Variants in PCDHGB1 observed in about 807,000 individuals in gnomAD.
PCDHGB1 encodes protocadherin gamma-B1.
Under a neutral mutation model 56.6 loss-of-function variants are expected in PCDHGB1, and 34 were observed. That is an observed-to-expected ratio of 0.60 (90% CI 0.46 to 0.80). PCDHGB1 has a LOEUF of 0.80. Ranked by LOEUF, PCDHGB1 falls within the 30% of genes least tolerant of loss-of-function variation. The pLI, the probability that PCDHGB1 is intolerant of heterozygous loss-of-function variation, is 0.00. For missense variants in PCDHGB1, 1,278 were observed against 1,204.6 expected, an observed-to-expected ratio of 1.06 and a Z score of -0.90; for synonymous variants, 561 against 505.9, an observed-to-expected ratio of 1.11 and a Z score of -1.46.
At position 141,364,425 on chromosome 5, in the gene PCDHGB1, G is replaced by T; in HGVS notation, c.2409+11756G>T. 6.2e-7 allele frequency: 1 copy of T among 1,613,642 alleles called. No homozygotes were observed. Among genetic ancestry groups the T allele is most frequent in the Non-Finnish European group, 8.5e-7 (1 of 1,179,688 alleles). Reference sequence around the variant, plus strand: ...TGCGAGCCAGGATCCGGGCAGATCCGCTACTCGATGCCGGAGGAGCTGGAC... The same window carrying T: ...TGCGAGCCAGGATCCGGGCAGATCCTCTACTCGATGCCGGAGGAGCTGGAC... On this transcript the variant is annotated intron_variant, in intron 1 of 3. Coordinates refer to ENST00000523390, the MANE Select transcript of PCDHGB1 (RefSeq NM_018922.3).
At chr5:141,478,177 A>G (rs769503109) in intron 1 of PCDHGB1, 1 of 1,613,988 alleles carries the variant, frequency 6.2e-7, no homozygotes, top group South Asian at 1.1e-5. Context: ...GGGAGCAGAA[A>G]AAAAATCTCA....
intron 1 of PCDHGB1, chr5:141,412,213 C>T (rs1467971455): frequency 6.6e-6 from 1 of 152,224 alleles, no homozygotes; most frequent in Non-Finnish European, 1.5e-5. Context: ...TTGACATAAA[C>T]ACTTACTTGT....
intron 1 of PCDHGB1, among the ~76,000 whole-genome samples, chr5:141,425,427 A>G (rs925551543): frequency 2.2e-4 from 33 of 152,362 alleles, no homozygotes; most frequent in Non-Finnish European, 4.1e-4. Flanking sequence ...GTCCCATTAA[A>G]TAGAGGATAA....
At position 141,489,886 on chromosome 5, in the gene PCDHGB1, G is replaced by A; in HGVS notation, c.2410-4921G>A. ...ACATCAGCTGGTGCTTACTGCTGTG[G>A]ATGGGGGGACCCCAGCCCGCTCAGG... is the stretch of plus-strand genomic sequence containing the variant. On this transcript the variant is annotated intron_variant, in intron 1 of 3. Transcript: ENST00000523390. This position sits in a 1 kb window ranked among gnomAD's most constrained non-coding sequence, Gnocchi z 4.5. 6.2e-7 allele frequency: 1 copy of A among 1,614,256 alleles called. No individual in the cohort carries two copies. The highest frequency in any genetic ancestry group is 8.5e-7 in the Non-Finnish European group (1 of 1,180,044).
At chr5:141,362,368 G>A (rs751597172) in intron 1 of PCDHGB1, 1 of 1,613,950 alleles carries the variant, frequency 6.2e-7, no homozygotes, top group Non-Finnish European at 8.5e-7. Context: ...CAATTACAGT[G>A]AGGGTACATT....
rs116335001 is a variant in PCDHGB1, at chr5:141,360,878, G to C, written c.2409+8209G>C. 2.7e-5 allele frequency: 43 copies of C among 1,614,024 alleles called. No homozygotes were observed. The African/African-American group carries it at 5.3e-4, about 20-fold the overall frequency. On this transcript the variant is annotated intron_variant, in intron 1 of 3. Transcript: ENST00000523390. ...CCAGTGTTCAGCCAGGACGTGTACA[G>C]GGTCACCCTGAGGGAGGACGTGCCG...
intron 1 of PCDHGB1, chr5:141,402,966 C>T (rs749578447): frequency 6.2e-7 from 1 of 1,606,060 alleles, no homozygotes; most frequent in Non-Finnish European, 8.5e-7. Flanking sequence ...GCAGCTCCAA[C>T]CAAATGCCAG....
Position 141,352,334 on chromosome 5 carries a change from T to A in PCDHGB1, c.2074T>A (p.Leu692Met). The A allele has an allele frequency of 6.2e-7, 1 of 1,614,084 alleles. No individual in the cohort carries two copies. The highest frequency in any genetic ancestry group is 8.5e-7 in the Non-Finnish European group (1 of 1,179,914). The change falls in exon 1 of 4, where the codon TTG (leucine) becomes ATG (methionine). Residue 692 changes from leucine to methionine, a missense_variant. By Grantham distance (15) the Leu-to-Met change is conservative. Transcript: ENST00000523390. ...ACTGCAGTTTTACCTGGTTGTGGCC[T>A]TGGCCTTGATCTCAGTGCTCTTTCT... ...TELQFYLVVA[L>M]ALISVLFLLA... is the part of the protein sequence containing the mutation.
intron 1 of PCDHGB1, chr5:141,395,187 T>C: frequency 6.2e-7 from 1 of 1,614,162 alleles, no homozygotes; most frequent in Non-Finnish European, 8.5e-7. Flanking sequence ...TGATTCTTTG[T>C]TAACATCCGT....
Position 141,375,504 on chromosome 5 carries a change from T to A in PCDHGB1, c.2409+22835T>A. The A allele has an allele frequency of 2.5e-6, 4 of 1,614,004 alleles. No homozygotes were observed. The South Asian group carries it at 4.4e-5, about 18-fold the overall frequency. ...CCCAGGGGTGCCTCCATCTTCTCTG[T>A]GAATGCACTGGACCCTGACGTGGAC... On this transcript the variant is annotated intron_variant, in intron 1 of 3. Coordinates refer to ENST00000523390, the MANE Select transcript of PCDHGB1 (RefSeq NM_018922.3).
In PCDHGB1 at chr5:141,395,543, TG is replaced by T. The variant is rs1247307480; in HGVS notation, c.2409+42875del. 6.3e-3 allele frequency: 52 copies of T among 8,206 alleles called. 1 individual carries two copies. The highest frequency in any genetic ancestry group is 0.048 in the African/African-American group (46 of 952). 0.5% of individuals were successfully genotyped at this position (8,206 alleles called of 1,614,324 possible). On this transcript the variant is annotated intron_variant, in intron 1 of 3. Coordinates refer to ENST00000523390, the MANE Select transcript of PCDHGB1 (RefSeq NM_018922.3). ...CCATACTGGTAATTTTGCTATTGTT[TG>T]TGTGTGTGTGTGTGTGTGTGTGTGT...
intron 1 of PCDHGB1, chr5:141,377,978 G>C (rs1774513116): frequency 6.6e-6 from 1 of 151,944 alleles, no homozygotes; most frequent in South Asian, 2.1e-4. Flanking sequence ...TATGTTCCTG[G>C]GTTGCAATCC....
At chr5:141,366,292 G>A (rs1449441048) in intron 1 of PCDHGB1, 3 of 1,613,732 alleles carry the variant, frequency 1.9e-6, no homozygotes, top group East Asian at 4.5e-5. Context: ...AGCCCCCTCT[G>A]TCAGCCACCT....
rs770678698 is a variant in PCDHGB1 at position 141,384,022 on chromosome 5, G to A, written c.2409+31353G>A. On this transcript the variant is annotated intron_variant, in intron 1 of 3. Transcript: ENST00000523390. ...TGCTCTTTTCTACCTACAAGACAGA[G>A]ATTCTGGAAAGAATGGTGAGGTGAC... 3 of 1,613,562 alleles carry A rather than the reference G, an allele frequency of 1.9e-6. No individual in the cohort carries two copies. The highest frequency in any genetic ancestry group is 2.5e-6 in the Non-Finnish European group (3 of 1,179,762).
At position 141,510,973 on chromosome 5, in the gene PCDHGB1, G is replaced by A. The variant is rs1448442252; in HGVS notation, c.2584G>A (p.Gly862Arg). 2 of 1,614,042 alleles carry A rather than the reference G, an allele frequency of 1.2e-6. No individual in the cohort carries two copies. Among genetic ancestry groups the A allele is most frequent in the East Asian group, 2.2e-5 (1 of 44,894 alleles). ...AGCTGCTGATGGGAGCTCCACCCTG[G>A]GAGGGGGTGCCGGCACCATGGGATT... ...SEAADGSSTL[G>R]GGAGTMGLSA... Residue 862 changes from glycine (G) to arginine (R), a missense_variant, in exon 4 of 4, where the codon GGA (glycine) becomes AGA (arginine). Gly to Arg is a moderately radical substitution (Grantham distance 125). Transcript: ENST00000523390.
At chr5:141,370,338 G>T in intron 1 of PCDHGB1, 1 of 1,456,378 alleles carries the variant, frequency 6.9e-7, no homozygotes, top group Non-Finnish European at 9.2e-7. Context: ...GAACTCTTGG[G>T]ATTATTTAAA....
chr5:141,398,787 A>G, intron 1 of PCDHGB1: 2 of 1,613,902 alleles, frequency 1.2e-6, no homozygotes, highest in Non-Finnish European at 1.7e-6. Flanking sequence ...GTGGACATCC[A>G]CCCCTAAGCG....
chr5:141,482,758 T>TGC (rs1413945459), intron 1 of PCDHGB1, among the ~76,000 whole-genome samples: 74 of 141,724 alleles, frequency 5.2e-4, no homozygotes, highest in African/African-American at 9.9e-4. Flanking sequence ...ATTATGGTAT[T>TGC]TCATTATCAC....
chr5:141,409,824 C>T (rs1265260597), intron 1 of PCDHGB1: 1 of 1,610,860 alleles, frequency 6.2e-7, no homozygotes, highest in Non-Finnish European at 8.5e-7. Flanking sequence ...GGCTCGCCCA[C>T]GCTCAGCGCC....
Sources: gnomAD v4.1 joint callset for allele counts (sites outside exome capture counted in the v4.1 genomes callset) on GRCh38, gnomAD v4.1.1 for gene constraint, Gnocchi (gnomAD v3.1) non-coding constraint, MANE v1.5 for transcripts, NCBI Gene and HGNC (gene_info 2026-07-23, HGNC 2026-07-21) for gene names.